The following DYNC2H1 variants were observed in gnomAD, a reference collection of about 807,000 sequenced individuals.
DYNC2H1 encodes cytoplasmic dynein 2 heavy chain 1.
A neutral mutation model predicts 570.0 loss-of-function variants in DYNC2H1; 410 were observed. The ratio of observed to expected loss-of-function variants is 0.72; its 90% CI spans 0.66 to 0.78. The LOEUF (loss-of-function observed/expected upper bound fraction) is 0.78. Among genes scored for constraint, DYNC2H1 ranks in the 30% least tolerant of loss-of-function variants. DYNC2H1 has a pLI of 0.00. For missense variants in DYNC2H1, 4,865 were observed against 5,046.4 expected, an observed-to-expected ratio of 0.96 and a Z score of 1.09; for synonymous variants, 1,688 against 1,677.6, an observed-to-expected ratio of 1.01 and a Z score of -0.15.
chr11:103,430,379 C>T (rs1000087920), intron 84 of DYNC2H1, among the ~76,000 whole-genome samples: 1 of 152,044 alleles, frequency 6.6e-6, no homozygotes, highest in African/African-American at 2.4e-5. Flanking sequence ...ATAACAGTGC[C>T]TGTACATATA....
chr11:103,373,391 A>G (rs1941258862), intron 83 of DYNC2H1, among the ~76,000 whole-genome samples: 1 of 118,448 alleles, frequency 8.4e-6, no homozygotes, highest in Non-Finnish European at 2.1e-5. Context: ...CTCTTTTTTG[A>G]CTCTGATTTT....
At chr11:103,148,357 G>C in intron 19 of DYNC2H1, 133 bp from the exon 20 acceptor site, 1 of 950,864 alleles carries the variant, frequency 1.1e-6, no homozygotes, top group Non-Finnish European at 1.5e-6. Flanking sequence ...TTTTATGAAA[G>C]CAAATGATAA....
intron 88 of DYNC2H1, among the ~76,000 whole-genome samples, chr11:103,469,198 C>T (rs1945291445): frequency 6.6e-6 from 1 of 152,194 alleles, no homozygotes; most frequent in Non-Finnish European, 1.5e-5. Context: ...CTTTGTATCA[C>T]ACAATGTCAT....
intron 59 of DYNC2H1, among the ~76,000 whole-genome samples, chr11:103,230,092 T>G (rs1472710814): frequency 6.6e-6 from 1 of 152,198 alleles, no homozygotes; most frequent in Admixed American, 6.5e-5. Flanking sequence ...CAGGTAATTT[T>G]GGTGTACACT....
chr11:103,238,989 A>G (rs769421807), intron 63 of DYNC2H1, among the ~76,000 whole-genome samples: 4 of 152,196 alleles, frequency 2.6e-5, no homozygotes, highest in Non-Finnish European at 5.9e-5. Context: ...TTTGGGTGAT[A>G]AATTATATGA....
rs201854166 is a variant in DYNC2H1, at chr11:103,197,960, G to A, written c.7736G>A (p.Arg2579Gln). The A allele has an allele frequency of 7.6e-5, 119 of 1,569,758 alleles. No individual in the cohort carries two copies. The highest frequency in any genetic ancestry group is 7.5e-5 in the Non-Finnish European group (87 of 1,156,538). Reference sequence around the variant, plus strand: ...AGTTTCTACGTTACATGGGGAGCTCGGCATAATTCAGGAGCAAGGGCAGCC... The same window carrying A: ...AGTTTCTACGTTACATGGGGAGCTCAGCATAATTCAGGAGCAAGGGCAGCC... ...SDSFYVTWGA[R>Q]HNSGARAAPG... Residue 2579 changes from arginine to glutamine, a missense_variant, in exon 48 of 89, where the codon CGG becomes CAG. This residue lies in a region of DYNC2H1 where 2,401 missense variants were observed against 2,454.6 expected (regional missense o/e 0.98). Coordinates refer to ENST00000375735, the MANE Select transcript of DYNC2H1 (RefSeq NM_001377.3).
intron 80 of DYNC2H1, among the ~76,000 whole-genome samples, chr11:103,317,910 C>A (rs1193053490): frequency 1.3e-4 from 20 of 152,196 alleles, no homozygotes; most frequent in Admixed American, 1.2e-3. Context: ...TATTTTGTTT[C>A]TCTTCCCACT....
chr11:103,247,441 A>C (rs1048325715), intron 65 of DYNC2H1, among the ~76,000 whole-genome samples: 1 of 152,038 alleles, frequency 6.6e-6, no homozygotes, highest in African/African-American at 2.4e-5. Flanking sequence ...TTCGTAGTCC[A>C]ATTGCTTCTG....
rs527340738 is a variant in DYNC2H1 at position 103,264,482 on chromosome 11, C to G, written c.10695+4505C>G. Among the ~76,000 whole-genome samples, 31 of 152,282 alleles carry G rather than the reference C, an allele frequency of 2.0e-4. No individual in the cohort carries two copies. Among genetic ancestry groups the G allele is most frequent in the Non-Finnish European group, 3.5e-4 (24 of 68,024 alleles). ...TAAAATATTGGCAAACCGAATCCAGCAGCACATCAAAAAGCTTATCCACCA... is the reference window on the plus strand; with the variant it reads ...TAAAATATTGGCAAACCGAATCCAGGAGCACATCAAAAAGCTTATCCACCA... On this transcript the variant is annotated intron_variant, in intron 70 of 88. Transcript: ENST00000375735. The surrounding 1 kb of genome is among the most constrained non-coding windows in gnomAD (Gnocchi z 4.8).
intron 11 of DYNC2H1, among the ~76,000 whole-genome samples, chr11:103,124,652 G>A (rs2435927): frequency 6.6e-6 from 1 of 151,926 alleles, no homozygotes; most frequent in African/African-American, 2.4e-5. Context: ...AAGGGTAGAA[G>A]AATGAAACGT....
rs901538078 is a variant in DYNC2H1 at position 103,133,183 on chromosome 11, G to T, written c.1954-372G>T. On this transcript the variant is annotated intron_variant, in intron 13 of 88. Transcript: ENST00000375735. This position sits in a 1 kb window ranked among gnomAD's most constrained non-coding sequence, Gnocchi z 4.8. ...GAGGTTTTTGAGTCTGTGCCTGTCA[G>T]TGGTTCCAGATTGGAATCTTCTCTA... 2.0e-5 allele frequency among the ~76,000 whole-genome samples: 3 copies of T among 152,310 alleles called. No homozygotes were observed. Among genetic ancestry groups the T allele is most frequent in the South Asian group, 4.1e-4 (2 of 4,826 alleles).
At chr11:103,393,894 A>G (rs1011254891) in intron 83 of DYNC2H1, among the ~76,000 whole-genome samples, 1 of 152,172 alleles carries the variant, frequency 6.6e-6, no homozygotes, top group African/African-American at 2.4e-5. Context: ...TCCTCTTTAT[A>G]AGACTATCAG....
intron 31 of DYNC2H1, 132 bp from the exon 32 acceptor site, chr11:103,168,623 A>T: frequency 1.1e-6 from 1 of 935,716 alleles, no homozygotes; most frequent in Non-Finnish European, 1.6e-6. Context: ...GATTTGTATT[A>T]CTATACCATT....
At chr11:103,459,195 G>A (rs916655630) in intron 87 of DYNC2H1, among the ~76,000 whole-genome samples, 1 of 146,674 alleles carries the variant, frequency 6.8e-6, no homozygotes, top group African/African-American at 2.5e-5. Context: ...TGTAGTCCCA[G>A]CTACTTGGGA....
chr11:103,280,508 T>A lies in DYNC2H1; in HGVS notation c.10761+95T>A. 9.3e-7 allele frequency: 1 copy of A among 1,079,246 alleles called. No individual in the cohort carries two copies. The highest frequency in any genetic ancestry group is 1.4e-6 in the Non-Finnish European group (1 of 730,268). The allele number at this position is 1,079,246 out of a possible 1,614,324, so 66.9% of individuals were successfully genotyped here. On this transcript the variant is annotated intron_variant, in intron 71 of 88. Transcript: ENST00000375735. This position sits in a 1 kb window ranked among gnomAD's most constrained non-coding sequence, Gnocchi z 4.7. Reference sequence around the variant, plus strand: ...GATTAGAAATTATTTAGGCTAGAAATTATATATCAACCTATTAATCTTTTA... The same window carrying A: ...GATTAGAAATTATTTAGGCTAGAAAATATATATCAACCTATTAATCTTTTA...
intron 37 of DYNC2H1, among the ~76,000 whole-genome samples, chr11:103,176,960 T>C (rs1455222629): frequency 6.6e-6 from 1 of 152,156 alleles, no homozygotes; most frequent in East Asian, 1.9e-4. Context: ...CCCACCTTGG[T>C]CTCCCAAAGC....
intron 82 of DYNC2H1, among the ~76,000 whole-genome samples, chr11:103,354,635 C>T (rs1318229389): frequency 6.6e-6 from 1 of 151,960 alleles, no homozygotes; most frequent in African/African-American, 2.4e-5. Flanking sequence ...ATAGTGCACT[C>T]TCAGTTTTGT....
At chr11:103,451,324 CTTTTTTTTTTTTTTT>C (rs34032894) in intron 85 of DYNC2H1, among the ~76,000 whole-genome samples, 2 of 71,010 alleles carry the variant, frequency 2.8e-5, no homozygotes, top group African/African-American at 6.7e-5. Flanking sequence ...AGTAAAAGGG[CTTTTTTTTTTTTTTT>C]TTTTTTTTTT....
chr11:103,263,952 C>T (rs573918530), intron 70 of DYNC2H1, among the ~76,000 whole-genome samples: 28 of 151,386 alleles, frequency 1.8e-4, no homozygotes, highest in Admixed American at 3.3e-4. Context: ...CAAAATAGAC[C>T]GCTAGCAAGA....
Sources: gnomAD v4.1 joint callset for allele counts (sites outside exome capture counted in the v4.1 genomes callset) on GRCh38, gnomAD v4.1.1 for gene constraint, gnomAD v4.1.1 regional missense constraint, Gnocchi (gnomAD v3.1) non-coding constraint, MANE v1.5 for transcripts, NCBI Gene and HGNC (gene_info 2026-07-23, HGNC 2026-07-21) for gene names.